Variants in KDM3B observed in about 807,000 individuals in gnomAD.
KDM3B encodes the protein lysine-specific demethylase 3B.
In KDM3B, 10 loss-of-function variants were observed where a neutral mutation model predicts 170.0. That is an observed-to-expected ratio of 0.06 (90% CI 0.04 to 0.10). The LOEUF is 0.10. Ranked by LOEUF, KDM3B falls within the 10% of genes least tolerant of loss-of-function variation. The pLI is 1.00. For missense variants in KDM3B, 1,394 were observed against 2,195.2 expected (o/e 0.64, Z 7.29); for synonymous variants, 831 against 834.8 (o/e 1.00, Z 0.08).
intron 9 of KDM3B, among the ~76,000 whole-genome samples, chr5:138,397,190 C>T (rs1438751624): frequency 6.6e-6 from 1 of 152,040 alleles, no homozygotes; most frequent in African/African-American, 2.4e-5. Context: ...ACAAAATCAG[C>T]TGGGCGTGGT....
Position 138,352,945 on chromosome 5 carries a change from C to A in KDM3B, c.150C>A (p.Gly50=), listed in dbSNP as rs933205643. The change falls in exon 1 of 24, where the codon GGC becomes GGA. Residue 50 remains glycine (G), a synonymous_variant. Transcript: ENST00000314358. ...PALRTRAWRA[G]TVRAMSGAVP... is the part of the protein sequence containing the mutation. ...TGCGCACTCGAGCCTGGCGGGCCGGCACGGTGCGGGCCATGAGCGGGGCGG... is the reference window on the plus strand; with the variant it reads ...TGCGCACTCGAGCCTGGCGGGCCGGAACGGTGCGGGCCATGAGCGGGGCGG... The A allele has an allele frequency of 7.7e-7, 1 of 1,294,782 alleles. No individual in the cohort carries two copies. 80.2% of individuals were successfully genotyped at this position (1,294,782 alleles called of 1,614,324 possible).
chr5:138,359,822 G>A (rs1037345485), intron 1 of KDM3B, among the ~76,000 whole-genome samples: 4 of 151,936 alleles, frequency 2.6e-5, no homozygotes, highest in Non-Finnish European at 5.9e-5. Flanking sequence ...AAGCATATCC[G>A]CCCTATTTTT....
chr5:138,416,461 C>T (rs948031679), intron 12 of KDM3B, among the ~76,000 whole-genome samples: 2 of 151,792 alleles, frequency 1.3e-5, no homozygotes, highest in Non-Finnish European at 2.9e-5. Context: ...TGGTGGTAAG[C>T]GCCTGTAATC....
At chr5:138,403,534 A>G (rs1342190099) in intron 11 of KDM3B, among the ~76,000 whole-genome samples, 1 of 151,988 alleles carries the variant, frequency 6.6e-6, no homozygotes, top group Non-Finnish European at 1.5e-5. Context: ...AAAATTAGCC[A>G]GGCATGGTGG....
intron 6 of KDM3B, 39 bp downstream of exon 6, chr5:138,381,629 C>A: frequency 8.2e-7 from 1 of 1,222,688 alleles, no homozygotes; most frequent in Middle Eastern, 1.9e-4. Context: ...GACTCATGAG[C>A]TTGCATTATC....
chr5:138,358,899 C>T (rs1053070503), intron 1 of KDM3B, among the ~76,000 whole-genome samples: 6 of 150,920 alleles, frequency 4.0e-5, no homozygotes, highest in Non-Finnish European at 7.4e-5. Flanking sequence ...CCCATTAACT[C>T]GTCATTTAGC....
chr5:138,383,046 A>G (rs1034537170), intron 6 of KDM3B, among the ~76,000 whole-genome samples: 3 of 152,168 alleles, frequency 2.0e-5, no homozygotes, highest in African/African-American at 7.2e-5. Context: ...AGTAGGACTT[A>G]CATATAAGTT....
chr5:138,373,061 A>G (rs916869244), intron 2 of KDM3B, among the ~76,000 whole-genome samples: 1 of 152,142 alleles, frequency 6.6e-6, no homozygotes, highest in Non-Finnish European at 1.5e-5. Flanking sequence ...TTTTTTGGCC[A>G]GACGCGGTGG....
chr5:138,421,251 T>C (rs954111285), intron 15 of KDM3B, among the ~76,000 whole-genome samples: 1 of 152,236 alleles, frequency 6.6e-6, no homozygotes, highest in African/African-American at 2.4e-5. Context: ...TTTTTTAACC[T>C]GGACAGTACA....
chr5:138,359,344 T>G (rs906649958), intron 1 of KDM3B, among the ~76,000 whole-genome samples: 8 of 152,114 alleles, frequency 5.3e-5, no homozygotes, highest in African/African-American at 1.9e-4. Context: ...GTATTTTTAG[T>G]AGAGACAGGG....
chr5:138,422,305 T>G (rs1177145422), intron 15 of KDM3B, among the ~76,000 whole-genome samples: 2 of 152,176 alleles, frequency 1.3e-5, no homozygotes, highest in African/African-American at 4.8e-5. Flanking sequence ...TAGTAAGCAT[T>G]TATTGAATGA....
intron 7 of KDM3B, among the ~76,000 whole-genome samples, chr5:138,389,823 TTGTC>T (rs1231535781): frequency 1.3e-5 from 2 of 151,326 alleles, no homozygotes; most frequent in Non-Finnish European, 2.9e-5. Context: ...TCCCTTTCTC[TTGTC>T]TGTATCTGGG....
intron 1 of KDM3B, among the ~76,000 whole-genome samples, chr5:138,362,117 C>T (rs952896863): frequency 6.6e-6 from 1 of 151,900 alleles, no homozygotes; most frequent in East Asian, 1.9e-4. Context: ...GCCAGGAGTT[C>T]GAGACCAGTC....
intron 11 of KDM3B, among the ~76,000 whole-genome samples, chr5:138,408,241 G>A (rs1020321885): frequency 1.3e-5 from 2 of 152,012 alleles, no homozygotes; most frequent in Non-Finnish European, 2.9e-5. Context: ...TAAATCAGAC[G>A]CCGCCGCCTC....
chr5:138,361,106 A>C (rs1274054755), intron 1 of KDM3B, among the ~76,000 whole-genome samples: 4 of 152,192 alleles, frequency 2.6e-5, no homozygotes, highest in Non-Finnish European at 5.9e-5. Flanking sequence ...GGTGGGTTCT[A>C]TATAGGCTTT....
In KDM3B at chr5:138,417,549, C is replaced by G. The variant is rs1763135388; in HGVS notation, c.3374C>G (p.Pro1125Arg). 1.2e-6 allele frequency: 2 copies of G among 1,614,110 alleles called. No individual in the cohort carries two copies. Among genetic ancestry groups the G allele is most frequent in the Non-Finnish European group, 1.7e-6 (2 of 1,179,974 alleles). The change falls in exon 13 of 24, where the codon CCT (proline) becomes CGT (arginine). Residue 1125 changes from proline to arginine, a missense_variant. Pro to Arg is a moderately radical substitution (Grantham distance 103). Transcript: ENST00000314358. ...RGKWGIKANC[P>R]CISRQNKSVL... ...AAGTGGGGAATTAAAGCAAACTGCCCTTGTATCAGTCGACAGAACAAATCT... is the reference window on the plus strand; with the variant it reads ...AAGTGGGGAATTAAAGCAAACTGCCGTTGTATCAGTCGACAGAACAAATCT...
At chr5:138,362,357 G>A (rs994378635) in intron 1 of KDM3B, among the ~76,000 whole-genome samples, 2 of 151,664 alleles carry the variant, frequency 1.3e-5, no homozygotes, top group Admixed American at 6.6e-5. Context: ...TTATGAACCA[G>A]GGAAGATTAA....
intron 1 of KDM3B, among the ~76,000 whole-genome samples, chr5:138,368,430 C>A (rs187566541): frequency 2.6e-4 from 39 of 151,702 alleles, no homozygotes; most frequent in African/African-American, 9.4e-4. Context: ...GAGACAGGAT[C>A]TTGCTATGTT....
At chr5:138,388,525 G>C (rs965569390) in intron 7 of KDM3B, among the ~76,000 whole-genome samples, 2 of 151,970 alleles carry the variant, frequency 1.3e-5, no homozygotes, top group Admixed American at 6.6e-5. Context: ...TCAGCTACTC[G>C]GGAGGCTGAG....
Sources: allele counts gnomAD v4.1 joint callset (sites outside exome capture counted in the v4.1 genomes callset), GRCh38; gene constraint gnomAD v4.1.1; transcripts MANE v1.5; gene names NCBI Gene and HGNC (gene_info 2026-07-23, HGNC 2026-07-21).